Variants in MACROD2 observed in about 807,000 individuals in gnomAD.
The protein encoded by MACROD2 is ADP-ribose glycohydrolase MACROD2.
A neutral mutation model predicts 70.4 loss-of-function variants in MACROD2; 36 were observed. The ratio of observed to expected loss-of-function variants is 0.51; its 90% CI spans 0.39 to 0.68. The LOEUF (loss-of-function observed/expected upper bound fraction) is 0.68. Ranked by LOEUF, MACROD2 falls within the 30% of genes least tolerant of loss-of-function variation. MACROD2 has a pLI of 0.00. For synonymous variants in MACROD2, 172 were observed against 178.8 expected (o/e 0.96, Z 0.30); for missense variants, 496 against 538.4 (o/e 0.92, Z 0.78).
chr20:15,211,337 A>T (rs971820203), intron 5 of MACROD2, among the ~76,000 whole-genome samples: 2 of 152,180 alleles, frequency 1.3e-5, no homozygotes, highest in African/African-American at 2.4e-5. Flanking sequence ...TTATTCATTC[A>T]TCAGTTGATG....
intron 2 of MACROD2, among the ~76,000 whole-genome samples, chr20:14,058,572 G>T: frequency 6.7e-6 from 1 of 148,302 alleles, no homozygotes; most frequent in South Asian, 2.1e-4. Context: ...GAGAGTCTTT[G>T]ACTCCTTTTT....
At chr20:14,409,791 T>G (rs1011209607) in intron 3 of MACROD2, among the ~76,000 whole-genome samples, 2 of 152,108 alleles carry the variant, frequency 1.3e-5, no homozygotes, top group Admixed American at 1.3e-4. Flanking sequence ...GGAGAGCGCA[T>G]TGATACAAGA....
chr20:14,894,257 G>T (rs2073800651), intron 5 of MACROD2: 1 of 151,688 alleles, frequency 6.6e-6, no homozygotes, highest in African/African-American at 2.4e-5. Flanking sequence ...TTGAGATGGA[G>T]TCTCACTCTG....
At chr20:15,263,182 T>G (rs992783580) in intron 6 of MACROD2, among the ~76,000 whole-genome samples, 1 of 152,074 alleles carries the variant, frequency 6.6e-6, no homozygotes, top group African/African-American at 2.4e-5. Context: ...AGGTCTCAGA[T>G]TTAAGTCTTT....
intron 5 of MACROD2, among the ~76,000 whole-genome samples, chr20:15,090,159 G>GTAAT (rs1601058141): frequency 6.6e-6 from 1 of 151,628 alleles, no homozygotes; most frequent in East Asian, 1.9e-4. Flanking sequence ...TGCTACAGCA[G>GTAAT]TAATATATGC....
At position 14,475,948 on chromosome 20, in the gene MACROD2, C is replaced by T. The variant is rs529472627; in HGVS notation, c.272-17531C>T. On this transcript the variant is annotated intron_variant, in intron 3 of 17. Transcript: ENST00000684519. ...AAACTTTCCTGTACCTGAATATTCA[C>T]TAAAAAGTTTTAAATTTGAGGATCA... 2.6e-5 allele frequency among the ~76,000 whole-genome samples: 4 copies of T among 152,026 alleles called. No individual in the cohort carries two copies. The South Asian group carries it at 8.3e-4, about 32-fold the overall frequency.
intron 8 of MACROD2, among the ~76,000 whole-genome samples, chr20:15,506,397 CTCATGCTGATT>C (rs1200123463): frequency 6.6e-6 from 1 of 152,220 alleles, no homozygotes; most frequent in Non-Finnish European, 1.5e-5. Context: ...AGATGCTGCT[CTCATGCTGATT>C]TGACAAGATC....
At chr20:15,832,975 A>G (rs1405179602) in intron 8 of MACROD2, among the ~76,000 whole-genome samples, 1 of 152,240 alleles carries the variant, frequency 6.6e-6, no homozygotes, top group Non-Finnish European at 1.5e-5. Context: ...TTAACCAAAT[A>G]TGATAAATAA....
intron 3 of MACROD2, among the ~76,000 whole-genome samples, chr20:14,448,170 C>G (rs1374746537): frequency 3.9e-5 from 6 of 151,998 alleles, no homozygotes; most frequent in Non-Finnish European, 5.9e-5. Flanking sequence ...CAGATTACCA[C>G]AGTCCAAAGT....
intron 3 of MACROD2, among the ~76,000 whole-genome samples, chr20:14,197,283 T>C (rs1275095100): frequency 6.6e-6 from 1 of 152,176 alleles, no homozygotes; most frequent in African/African-American, 2.4e-5. Flanking sequence ...GCCTGGATAA[T>C]GAAAAAAGTT....
chr20:15,684,265 T>G (rs1007150739), intron 8 of MACROD2, among the ~76,000 whole-genome samples: 8 of 152,188 alleles, frequency 5.3e-5, no homozygotes, highest in Non-Finnish European at 1.0e-4. Flanking sequence ...GTAAAGAAGG[T>G]TGAATGGCAG....
At chr20:16,011,482 A>G (rs1239738378) in intron 15 of MACROD2, among the ~76,000 whole-genome samples, 1 of 152,246 alleles carries the variant, frequency 6.6e-6, no homozygotes, top group Non-Finnish European at 1.5e-5. Context: ...GCAGAGTGTC[A>G]GTCCAAGTCC....
chr20:15,474,314 G>T (rs537773642), intron 7 of MACROD2, among the ~76,000 whole-genome samples: 1 of 152,020 alleles, frequency 6.6e-6, no homozygotes, highest in Non-Finnish European at 1.5e-5. Context: ...TTGTTGGTTT[G>T]TTTTTATTAT....
chr20:14,496,710 G>A (rs2084857044), intron 4 of MACROD2, among the ~76,000 whole-genome samples: 1 of 148,452 alleles, frequency 6.7e-6, no homozygotes, highest in African/African-American at 2.6e-5. Context: ...AATTTGCTTG[G>A]TAAAATTGAT....
At chr20:14,820,651 T>C (rs2122206801) in intron 5 of MACROD2, among the ~76,000 whole-genome samples, 1 of 152,252 alleles carries the variant, frequency 6.6e-6, no homozygotes, top group Non-Finnish European at 1.5e-5. Flanking sequence ...TCTTGTATTG[T>C]CATTAGCCAG....
intron 3 of MACROD2, among the ~76,000 whole-genome samples, chr20:14,317,021 G>C (rs2122535244): frequency 6.6e-6 from 1 of 152,208 alleles, no homozygotes; most frequent in African/African-American, 2.4e-5. Context: ...TCCTTATTCA[G>C]GCCTACCTTG....
intron 10 of MACROD2, among the ~76,000 whole-genome samples, chr20:15,891,220 G>A (rs543802988): frequency 6.6e-6 from 1 of 152,260 alleles, no homozygotes; most frequent in South Asian, 2.1e-4. Flanking sequence ...TGTTGGAGGA[G>A]TGGGGGTGAG....
chr20:15,195,999 A>G (rs2876396), intron 5 of MACROD2, among the ~76,000 whole-genome samples: 1 of 152,118 alleles, frequency 6.6e-6, no homozygotes, highest in Non-Finnish European at 1.5e-5. Context: ...CAAACACTGC[A>G]TGTTCTCACT....
intron 8 of MACROD2, among the ~76,000 whole-genome samples, chr20:15,558,016 A>G (rs2048191443): frequency 6.6e-6 from 1 of 152,220 alleles, no homozygotes; most frequent in South Asian, 2.1e-4. Flanking sequence ...CGCTTTACTC[A>G]AATCTCAATC....
Sources: allele counts gnomAD v4.1 joint callset (sites outside exome capture counted in the v4.1 genomes callset), GRCh38; gene constraint gnomAD v4.1.1; transcripts MANE v1.5; gene names NCBI Gene and HGNC (gene_info 2026-07-23, HGNC 2026-07-21).